Variants in SLC35E4 observed in about 807,000 individuals in gnomAD.
SLC35E4 encodes solute carrier family 35, member E4.
SLC35E4 carries 15 observed loss-of-function variants against 19.3 expected under a neutral mutation model. That is an observed-to-expected ratio of 0.78 (90% confidence interval 0.52 to 1.20). The LOEUF is 1.20. SLC35E4 is among the 50% of genes most tolerant of loss of function. The probability of loss-of-function intolerance (pLI) is 0.00; values close to 1 mark genes in which losing one functional copy is unlikely to be tolerated. For missense variants in SLC35E4, 406 were observed against 472.3 expected (o/e 0.86, Z 1.30); for synonymous variants, 219 against 219.9 (o/e 1.00, Z 0.04).
intron 1 of SLC35E4, among the ~76,000 whole-genome samples, chr22:30,643,246 A>T (rs944571698): frequency 6.6e-6 from 1 of 152,194 alleles, no homozygotes; most frequent in Non-Finnish European, 1.5e-5. Context: ...CGCATCACAG[A>T]GCAGGCGGAC....
intron 1 of SLC35E4, 85 bp from the exon 2 acceptor site, chr22:30,646,513 T>TG: frequency 6.8e-7 from 1 of 1,473,070 alleles, no homozygotes; most frequent in South Asian, 1.3e-5. Flanking sequence ...GTAGGCTTCT[T>TG]GGAGGATCGG....
At chr22:30,642,654 TCTCTTGAACCAGGGA>T (rs2088062341) in intron 1 of SLC35E4, among the ~76,000 whole-genome samples, 1 of 147,458 alleles carries the variant, frequency 6.8e-6, no homozygotes, top group African/African-American at 2.5e-5. Flanking sequence ...GGTAGGAGAA[TCTCTTGAACCAGGGA>T]GGCGGAGGTT....
At chr22:30,650,187 C>T (rs2088186243), downstream of SLC35E4, among the ~76,000 whole-genome samples, 2 of 150,288 alleles carry the variant, frequency 1.3e-5, no homozygotes, top group Admixed American at 1.3e-4. Flanking sequence ...CAAAAATTAG[C>T]TGGGCATGGT....
downstream of SLC35E4, chr22:30,663,755 A>G (rs761916352): frequency 6.2e-7 from 1 of 1,614,268 alleles, no homozygotes; most frequent in Non-Finnish European, 8.5e-7. Context: ...CAATAGGGTC[A>G]AAGAAGTCAC....
chr22:30,668,042 A>G (rs562255373), downstream of SLC35E4: 388 of 158,680 alleles, frequency 2.4e-3, 4 homozygotes, highest in South Asian at 2.1e-3. Context: ...CATGGCTTCC[A>G]ACCGGCCTCC....
At chr22:30,656,812 A>G (rs537648902) in intron 2 of SLC35E4, among the ~76,000 whole-genome samples, 1 of 152,308 alleles carries the variant, frequency 6.6e-6, no homozygotes, top group African/African-American at 2.4e-5. Context: ...ATATTTAAAA[A>G]GAGAGTTAAA....
downstream of SLC35E4, chr22:30,663,771 C>T (rs780364149): frequency 4.2e-5 from 68 of 1,614,046 alleles, no homozygotes; most frequent in South Asian, 6.5e-4. Context: ...GTCACAGAGA[C>T]GTGAGTTAGG....
At chr22:30,656,917 C>T (rs571687655) in intron 2 of SLC35E4, among the ~76,000 whole-genome samples, 3 of 151,908 alleles carry the variant, frequency 2.0e-5, no homozygotes, top group Admixed American at 2.0e-4. Flanking sequence ...GAGTTCGAGA[C>T]CAGCCTGGTC....
intron 1 of SLC35E4, among the ~76,000 whole-genome samples, chr22:30,644,750 T>C (rs969671672): frequency 2.6e-5 from 4 of 152,068 alleles, no homozygotes; most frequent in Admixed American, 2.6e-4. Flanking sequence ...ATAATAATAA[T>C]GTCATTTCGC....
downstream of SLC35E4, chr22:30,664,892 T>C (rs546092860): frequency 6.6e-6 from 1 of 152,662 alleles, no homozygotes; most frequent in Non-Finnish European, 1.5e-5. Context: ...CACACCTGCA[T>C]CATGCTGCCT....
chr22:30,643,364 C>T (rs1001770463), intron 1 of SLC35E4, among the ~76,000 whole-genome samples: 5 of 152,180 alleles, frequency 3.3e-5, no homozygotes, highest in African/African-American at 9.7e-5. Flanking sequence ...TGTTGGGGAG[C>T]GGTTGCTTCT....
chr22:30,649,005 T>G (rs2088173616), downstream of SLC35E4, among the ~76,000 whole-genome samples: 1 of 152,216 alleles, frequency 6.6e-6, no homozygotes, highest in Non-Finnish European at 1.5e-5. Flanking sequence ...TATTTACCTC[T>G]GAGCCTTTCC....
chr22:30,657,917 A>G, intron 2 of SLC35E4, among the ~76,000 whole-genome samples: 1 of 123,800 alleles, frequency 8.1e-6, no homozygotes, highest in East Asian at 3.3e-4. Context: ...AATAATAATA[A>G]TAATAATAAT....
chr22:30,643,236 C>T (rs1326793237), intron 1 of SLC35E4, among the ~76,000 whole-genome samples: 4 of 152,154 alleles, frequency 2.6e-5, no homozygotes, highest in Non-Finnish European at 4.4e-5. Context: ...CCCGCCCGTC[C>T]GCATCACAGA....
rs1218857732 is a variant in SLC35E4, at chr22:30,646,718, C to T, written c.740C>T (p.Pro247Leu). The T allele has an allele frequency of 1.9e-6, 3 of 1,612,792 alleles. No individual in the cohort carries two copies. In the African/African-American group the frequency reaches 4.0e-5, roughly 22 times the overall value. Residue 247 changes from proline (P) to leucine (L), a missense_variant, in exon 2 of 2, where the codon CCC (proline) becomes CTC (leucine). By Grantham distance (98) the Pro-to-Leu change is moderately conservative. Coordinates refer to ENST00000343605, the MANE Select transcript of SLC35E4 (RefSeq NM_001001479.4). ...CTGGAGGCTGGCGTTGCCCCACCGC[C>T]CACTGCTGGCGACTCTCGCCTCTGG... ...LVLEAGVAPP[P>L]TAGDSRLWAC...
chr22:30,644,153 G>A lies in SLC35E4; in HGVS notation c.620-2445G>A, dbSNP rs1330899038. Among the ~76,000 whole-genome samples the A allele has an allele frequency of 2.6e-5, 4 of 152,288 alleles. No individual in the cohort carries two copies. The South Asian group carries it at 6.2e-4, about 24-fold the overall frequency. On this transcript the variant is annotated intron_variant, in intron 1 of 1. Transcript: ENST00000343605. Reference sequence around the variant, plus strand: ...GTAGCTCATAACACTGTTAACTTTCGAGCCTGCGAGCAGGAGGCATTCTGA... The same window carrying A: ...GTAGCTCATAACACTGTTAACTTTCAAGCCTGCGAGCAGGAGGCATTCTGA...
Position 30,637,592 on chromosome 22 carries a change from T to C in SLC35E4, c.619+523T>C, listed in dbSNP as rs138787790. Among the ~76,000 whole-genome samples the C allele has an allele frequency of 2.6e-3, 392 of 152,214 alleles. 2 individuals carry two copies. Among genetic ancestry groups the C allele is most frequent in the African/African-American group, 9.1e-3 (378 of 41,544 alleles). Reference sequence around the variant, plus strand: ...TTTTTATAGACACAGAGTCTTGCTATGTTGCCAAGGTAGGTCTTGAACTCC... The same window carrying C: ...TTTTTATAGACACAGAGTCTTGCTACGTTGCCAAGGTAGGTCTTGAACTCC... On this transcript the variant is annotated intron_variant, in intron 1 of 1. Coordinates refer to ENST00000343605, the MANE Select transcript of SLC35E4 (RefSeq NM_001001479.4).
chr22:30,650,426 G>A (rs1019883490), downstream of SLC35E4, among the ~76,000 whole-genome samples: 5 of 152,196 alleles, frequency 3.3e-5, no homozygotes, highest in African/African-American at 1.2e-4. Flanking sequence ...AGCCTAGGAG[G>A]CAGAGATTGC....
At chr22:30,657,872 C>T (rs1352676422) in intron 2 of SLC35E4, among the ~76,000 whole-genome samples, 1 of 149,530 alleles carries the variant, frequency 6.7e-6, no homozygotes, top group African/African-American at 2.5e-5. Context: ...CCACTGCACT[C>T]CAGCCTGGGC....
Sources: gnomAD v4.1 joint callset for allele counts (sites outside exome capture counted in the v4.1 genomes callset) on GRCh38, gnomAD v4.1.1 for gene constraint, MANE v1.5 for transcripts, NCBI Gene and HGNC (gene_info 2026-07-23, HGNC 2026-07-21) for gene names.